Variants in FAM178B observed in about 807,000 individuals in gnomAD.
The protein encoded by FAM178B is family with sequence similarity 178 member B.
A neutral mutation model predicts 91.7 loss-of-function variants in FAM178B; 82 were observed. That is an observed-to-expected ratio of 0.89 (90% CI 0.75 to 1.07). The LOEUF (loss-of-function observed/expected upper bound fraction) is 1.07. Ranked by LOEUF, FAM178B falls within the 50% of genes least tolerant of loss-of-function variation. The probability of loss-of-function intolerance (pLI) is 0.00; values close to 1 mark genes in which losing one functional copy is unlikely to be tolerated. For missense variants in FAM178B, 769 were observed against 846.7 expected, an observed-to-expected ratio of 0.91 and a Z score of 1.14; for synonymous variants, 368 against 359.4, an observed-to-expected ratio of 1.02 and a Z score of -0.27.
chr2:96,974,860 C>A (rs868075780), intron 1 of FAM178B, among the ~76,000 whole-genome samples: 5 of 151,830 alleles, frequency 3.3e-5, no homozygotes, highest in South Asian at 2.1e-4. Context: ...GAGGCCGAGG[C>A]GGGCGTTATC....
chr2:96,941,685 C>T (rs1283952279), intron 8 of FAM178B, among the ~76,000 whole-genome samples: 2 of 152,164 alleles, frequency 1.3e-5, no homozygotes, highest in East Asian at 1.9e-4. Flanking sequence ...TTTATTATAT[C>T]CCCCTCCTCC....
At chr2:96,932,095 C>G (rs931537058) in intron 8 of FAM178B, among the ~76,000 whole-genome samples, 2 of 152,156 alleles carry the variant, frequency 1.3e-5, no homozygotes, top group Non-Finnish European at 2.9e-5. Context: ...GGCGAGGCCC[C>G]GGGAGGCCCA....
intron 13 of FAM178B, among the ~76,000 whole-genome samples, chr2:96,900,683 CAAG>C: frequency 6.6e-6 from 1 of 152,202 alleles, no homozygotes; most frequent in East Asian, 1.9e-4. Context: ...GTGGGAATGA[CAAG>C]AAGCTCCAGT....
intron 1 of FAM178B, chr2:96,977,946 C>CG (rs1559108429): frequency 3.8e-4 from 22 of 57,814 alleles, no homozygotes; most frequent in Admixed American, 1.1e-3. Context: ...GAGGGTGGGG[C>CG]GGGCGGGGGA....
intron 8 of FAM178B, among the ~76,000 whole-genome samples, chr2:96,937,414 G>A (rs748529495): frequency 3.9e-5 from 6 of 152,108 alleles, no homozygotes; most frequent in Non-Finnish European, 7.4e-5. Context: ...CCACACTCCC[G>A]TGCTCTGGTG....
chr2:96,889,279 A>G (rs1418522748), intron 14 of FAM178B, among the ~76,000 whole-genome samples: 2 of 152,168 alleles, frequency 1.3e-5, no homozygotes, highest in Non-Finnish European at 2.9e-5. Context: ...ACAGTCCCCA[A>G]ATTTAACCAA....
chr2:96,972,523 G>T lies in FAM178B; in HGVS notation c.142+15C>A. On this transcript the variant is annotated intron_variant, in intron 2 of 16. Coordinates refer to ENST00000490605, the MANE Select transcript of FAM178B (RefSeq NM_001122646.3). ...CCTCAGTGGGGATTTACCTGTGCAGGTGAGAGACGCCTACCTTCTCTCAGA... is the reference window on the plus strand; with the variant it reads ...CCTCAGTGGGGATTTACCTGTGCAGTTGAGAGACGCCTACCTTCTCTCAGA... 1 of 1,550,938 alleles carries T rather than the reference G, an allele frequency of 6.4e-7. No homozygotes were observed. The highest frequency in any genetic ancestry group is 1.2e-5 in the South Asian group (1 of 84,046).
At position 96,881,710 on chromosome 2, in the gene FAM178B, T is replaced by C. The variant is rs941785317; in HGVS notation, c.1777-3217A>G. On this transcript the variant is annotated intron_variant, in intron 14 of 16. Transcript: ENST00000490605. ...TACTGGTTTCACAACTTGTTTCTTATGCTAATTCCCATAATTGAATCTGCA... is the reference window on the plus strand; with the variant it reads ...TACTGGTTTCACAACTTGTTTCTTACGCTAATTCCCATAATTGAATCTGCA... Among the ~76,000 whole-genome samples the C allele has an allele frequency of 2.3e-5, 3 of 128,764 alleles. No homozygotes were observed. The South Asian group carries it at 8.3e-4, about 35-fold the overall frequency. The allele number at this position is 128,764 out of a possible 152,430, so 84.5% of individuals were successfully genotyped here.
intron 12 of FAM178B, among the ~76,000 whole-genome samples, chr2:96,909,928 C>A (rs6576991): frequency 0.056 from 8,536 of 152,318 alleles, 799 homozygotes; most frequent in African/African-American, 0.19. Context: ...GCCCTCTGGG[C>A]ACACTCTGAT....
At chr2:96,876,894 C>A (rs1000502471) in intron 16 of FAM178B, among the ~76,000 whole-genome samples, 11 of 152,082 alleles carry the variant, frequency 7.2e-5, no homozygotes, top group Non-Finnish European at 1.3e-4. Flanking sequence ...GAAGGGAGGG[C>A]ACCAGCACAG....
At chr2:96,929,804 C>A (rs1464683045) in intron 8 of FAM178B, among the ~76,000 whole-genome samples, 2 of 152,270 alleles carry the variant, frequency 1.3e-5, no homozygotes, top group African/African-American at 4.8e-5. Flanking sequence ...AGTCCACCAT[C>A]CCTGCTGGGA....
chr2:96,940,439 G>A (rs1199206918), intron 8 of FAM178B, among the ~76,000 whole-genome samples: 2 of 152,166 alleles, frequency 1.3e-5, no homozygotes, highest in Non-Finnish European at 2.9e-5. Flanking sequence ...GGTGGGGCGA[G>A]GACATCTCCT....
At chr2:96,976,350 C>T (rs2082288386) in intron 1 of FAM178B, among the ~76,000 whole-genome samples, 1 of 151,758 alleles carries the variant, frequency 6.6e-6, no homozygotes, top group African/African-American at 2.4e-5. Flanking sequence ...GCCTTGGCCT[C>T]CCAAAGTGCT....
chr2:96,960,203 T>C, intron 6 of FAM178B, 85 bp downstream of exon 6: 1 of 1,455,120 alleles, frequency 6.9e-7, no homozygotes, highest in Non-Finnish European at 9.2e-7. Flanking sequence ...CTTCCCCCTT[T>C]GGGGTGGCCC....
At position 96,877,732 on chromosome 2, in the gene FAM178B, C is replaced by T. The variant is rs185487208; in HGVS notation, c.2007+158G>A. 1.7e-4 allele frequency: 118 copies of T among 701,030 alleles called. 1 individual carries two copies. The East Asian group carries it at 3.0e-3, about 18-fold the overall frequency. 43.4% of individuals were successfully genotyped at this position (701,030 alleles called of 1,614,324 possible). ...TTCTTGATAAGAATGATGAAGGCCC[C>T]TCAAGGCGTCCCCACCCTTCCCCCA... is the stretch of plus-strand genomic sequence containing the variant. On this transcript the variant is annotated intron_variant, in intron 16 of 16. Transcript: ENST00000490605.
intron 12 of FAM178B, among the ~76,000 whole-genome samples, chr2:96,918,646 C>CCCAAAGCTCATA (rs199607659): frequency 0.013 from 1,987 of 152,276 alleles, 35 homozygotes; most frequent in African/African-American, 0.045. Flanking sequence ...TGCACAGACA[C>CCCAAAGCTCATA]TAAACAGTCA....
At chr2:96,882,874 C>T (rs1319473085) in intron 14 of FAM178B, among the ~76,000 whole-genome samples, 4 of 152,206 alleles carry the variant, frequency 2.6e-5, no homozygotes, top group African/African-American at 7.2e-5. Context: ...AATGGGACCC[C>T]GGAAACCTCA....
Position 96,878,462 on chromosome 2 carries a change from A to C in FAM178B, c.1808T>G (p.Leu603Arg), listed in dbSNP as rs200958044. 2.4e-4 allele frequency: 384 copies of C among 1,613,864 alleles called. 2 individuals carry two copies. The highest frequency in any genetic ancestry group is 3.0e-4 in the Non-Finnish European group (350 of 1,180,016). Residue 603 changes from leucine (L) to arginine (R), a missense_variant, in exon 15 of 17, where the codon CTG becomes CGG. Leu to Arg is a moderately radical substitution (Grantham distance 102). Coordinates refer to ENST00000490605, the MANE Select transcript of FAM178B (RefSeq NM_001122646.3). ...CTGGCAGCTAACAACTACCCCGGCC[A>C]GCATCAGCAAGCTGTGGCACAGGTA... ...ACYLCHSLLM[L>R]AGVVVSCQDI...
In FAM178B at chr2:96,921,225, T is replaced by A; in HGVS notation, c.1502A>T (p.Asp501Val). ...ELCCTLSWVS[D>V]HHHNLLALVQ... ...GAGGGCCAGCAGGTTGTGGTGGTGG[T>A]CAGACACCCAGCTCAGGGTGCAGCA... Residue 501 changes from aspartate (D) to valine (V), a missense_variant, in exon 12 of 17, where the codon GAC becomes GTC. By Grantham distance (152) the Asp-to-Val change is radical. Coordinates refer to ENST00000490605, the MANE Select transcript of FAM178B (RefSeq NM_001122646.3). 1 of 1,551,518 alleles carries A rather than the reference T, an allele frequency of 6.4e-7. No individual in the cohort carries two copies. Among genetic ancestry groups the A allele is most frequent in the Non-Finnish European group, 8.7e-7 (1 of 1,146,952 alleles).
Sources: gnomAD v4.1 joint callset for allele counts (sites outside exome capture counted in the v4.1 genomes callset) on GRCh38, gnomAD v4.1.1 for gene constraint, MANE v1.5 for transcripts, NCBI Gene and HGNC (gene_info 2026-07-23, HGNC 2026-07-21) for gene names.